HEXD: variants seen among roughly 807,000 people sequenced by gnomAD.
The protein encoded by HEXD is hexosaminidase D.
Under a neutral mutation model 54.2 loss-of-function variants are expected in HEXD, and 47 were observed. That is an observed-to-expected ratio of 0.87 (90% confidence interval 0.69 to 1.11). HEXD has a LOEUF of 1.11. Ranked by LOEUF, HEXD falls within the 50% of genes least tolerant of loss-of-function variation. The pLI is 0.00. For synonymous variants in HEXD, 293 were observed against 287.6 expected (o/e 1.02, Z -0.19); for missense variants, 576 against 649.2 (o/e 0.89, Z 1.23).
At position 82,423,834 on chromosome 17, in the gene HEXD, A is replaced by ATT. The variant is rs1491125471; in HGVS notation, c.85-560_85-559insTT. Reference sequence around the variant, plus strand: ...TCTCAAAAAAAAAAAAAAAAGAGAGAAAGACAAGGAAGTGGGGAGGAGAAT... The same window carrying ATT: ...TCTCAAAAAAAAAAAAAAAAGAGAGATTAAGACAAGGAAGTGGGGAGGAGAAT... On this transcript the variant is annotated intron_variant, in intron 2 of 12. Coordinates refer to ENST00000327949, the MANE Select transcript of HEXD (RefSeq NM_001330542.2). Among the ~76,000 whole-genome samples the ATT allele has an allele frequency of 1.1e-4, 17 of 150,900 alleles. 1 individual carries two copies. The South Asian group carries it at 3.1e-3, about 28-fold the overall frequency.
chr17:82,431,062 A>G (rs1175471216), intron 4 of HEXD, among the ~76,000 whole-genome samples: 19 of 149,496 alleles, frequency 1.3e-4, no homozygotes, highest in Admixed American at 1.0e-3. Context: ...GCGTGGTACA[A>G]TCACAGCTCA....
At chr17:82,427,603 C>G (rs1434538776) in intron 3 of HEXD, among the ~76,000 whole-genome samples, 1 of 152,186 alleles carries the variant, frequency 6.6e-6, no homozygotes, top group Non-Finnish European at 1.5e-5. Context: ...TTTCTTCATA[C>G]TCTTCTAGTT....
At chr17:82,432,878 ACG>A (rs2053616708) in intron 4 of HEXD, among the ~76,000 whole-genome samples, 3 of 149,976 alleles carry the variant, frequency 2.0e-5, no homozygotes, top group Non-Finnish European at 3.0e-5. Context: ...CCTGGCTAAC[ACG>A]GTGAAACCCC....
At chr17:82,427,664 C>G (rs2053455982) in intron 3 of HEXD, among the ~76,000 whole-genome samples, 1 of 152,142 alleles carries the variant, frequency 6.6e-6, no homozygotes, top group African/African-American at 2.4e-5. Flanking sequence ...AAGTAAAGTA[C>G]CAGGGTTCCT....
At position 82,437,315 on chromosome 17, in the gene HEXD, G is replaced by C; in HGVS notation, c.851G>C (p.Ser284Thr). The change falls in exon 8 of 13, where the codon AGC (serine) becomes ACC (threonine). Residue 284 changes from serine (S) to threonine (T), a missense_variant. By Grantham distance (58) the Ser-to-Thr change is moderately conservative. Coordinates refer to ENST00000327949, the MANE Select transcript of HEXD (RefSeq NM_001330542.2). ...GTGCAGTGGCTGCAGGTGGCGGGCA[G>C]CGGGCCCACGGACTCACTGCAGGGC... is the stretch of plus-strand genomic sequence containing the variant. ...NHVQWLQVAGSGPTDSLQGII... is the reference protein window; with the variant it reads ...NHVQWLQVAGTGPTDSLQGII... 6.2e-7 allele frequency: 1 copy of C among 1,611,292 alleles called. No individual in the cohort carries two copies. The highest frequency in any genetic ancestry group is 8.5e-7 in the Non-Finnish European group (1 of 1,179,214).
chr17:82,435,917 C>T, intron 6 of HEXD, 45 bp downstream of exon 6: 2 of 1,557,366 alleles, frequency 1.3e-6, no homozygotes, highest in Non-Finnish European at 1.7e-6. Flanking sequence ...CTGAACTGCC[C>T]AAGACCTGCG....
intron 8 of HEXD, chr17:82,439,406 C>T (rs117110116): frequency 0.023 from 22,951 of 982,154 alleles, 279 homozygotes; most frequent in Admixed American, 0.045. Context: ...GGAATCCCCA[C>T]GCTCTTCACT....
Position 82,441,365 on chromosome 17 carries a change from GGGGCAGGTGCAGGTGAGC to G in HEXD, c.1163+107_1163+124del, listed in dbSNP as rs2053953868. 26 of 1,362,130 alleles carry G rather than the reference GGGGCAGGTGCAGGTGAGC, an allele frequency of 1.9e-5. 1 individual carries two copies. The South Asian group carries it at 3.4e-4, about 18-fold the overall frequency. The allele number at this position is 1,362,130 out of a possible 1,614,324, so 84.4% of individuals were successfully genotyped here. A position where few individuals can be genotyped will look rare whatever the true frequency, so the allele number is the denominator to read the frequency against. On this transcript the variant is annotated intron_variant, in intron 11 of 12. Coordinates refer to ENST00000327949, the MANE Select transcript of HEXD (RefSeq NM_001330542.2). ...GTGGGTGGGAGGCAGGTGCGGGTGAGGGGCAGGTGCAGGTGAGCGGGCAGGCATGGGGCAGGTGCGGGT... is the reference window on the plus strand; with the variant it reads ...GTGGGTGGGAGGCAGGTGCGGGTGAGGGGCAGGCATGGGGCAGGTGCGGGT...
At chr17:82,435,561 C>T in intron 5 of HEXD, 128 bp from the exon 6 acceptor site, 1 of 867,530 alleles carries the variant, frequency 1.2e-6, no homozygotes, top group Non-Finnish European at 1.8e-6. Context: ...AGCAAAGGCT[C>T]CGAGCCCCTC....
At position 82,436,668 on chromosome 17, in the gene HEXD, G is replaced by A. The variant is rs371146381; in HGVS notation, c.633G>A (p.Ala211=). The change falls in exon 7 of 13, where the codon GCG becomes GCA. Residue 211 remains alanine (A), a splice_region_variant and synonymous_variant. Transcript: ENST00000327949. The part of the protein sequence containing the change: ...LRDLPEDQLA[A]SGVPQLVEPV... ...ACCTCACGTCCGCTCTGTCTGCAGC[G>A]TCCGGGGTGCCGCAGCTGGTGGAGC... 39 of 1,609,694 alleles carry A rather than the reference G, an allele frequency of 2.4e-5. No individual in the cohort carries two copies. In the African/African-American group the frequency reaches 3.7e-4, roughly 15 times the overall value.
intron 5 of HEXD, among the ~76,000 whole-genome samples, chr17:82,435,180 C>T (rs1275644292): frequency 6.6e-6 from 1 of 152,186 alleles, no homozygotes; most frequent in African/African-American, 2.4e-5. Flanking sequence ...TAAACGTCAG[C>T]ACCTCTTCCA....
chr17:82,420,076 C>T lies in HEXD; in HGVS notation c.84+193C>T, dbSNP rs192753576. 181 of 336,536 alleles carry T rather than the reference C, an allele frequency of 5.4e-4. 3 individuals are homozygous for T. The highest frequency in any genetic ancestry group is 4.9e-3 in the East Asian group (113 of 22,882). The allele number at this position is 336,536 out of a possible 1,614,324, so 20.8% of individuals were successfully genotyped here. A position where few individuals can be genotyped will look rare whatever the true frequency, so the allele number is the denominator to read the frequency against. On this transcript the variant is annotated intron_variant, in intron 2 of 12. Transcript: ENST00000327949. ...CACAAAAACAGAACAACCAGGATGACAAAAGGGAAAAAAAAAAAAGACAGA... is the reference window on the plus strand; with the variant it reads ...CACAAAAACAGAACAACCAGGATGATAAAAGGGAAAAAAAAAAAAGACAGA...
chr17:82,436,593 G>A (rs747077602), intron 6 of HEXD, 74 bp from the exon 7 acceptor site: 28 of 1,278,292 alleles, frequency 2.2e-5, no homozygotes, highest in African/African-American at 1.9e-4. Context: ...CAAGCAAAAC[G>A]AGAACAGGTG....
chr17:82,432,256 T>A (rs1245189553), intron 4 of HEXD, among the ~76,000 whole-genome samples: 4 of 152,178 alleles, frequency 2.6e-5, no homozygotes, highest in African/African-American at 9.7e-5. Flanking sequence ...CAGCCAGGCC[T>A]GAGGAGAGTG....
At chr17:82,438,182 G>A (rs1398495390) in intron 8 of HEXD, among the ~76,000 whole-genome samples, 6 of 151,540 alleles carry the variant, frequency 4.0e-5, no homozygotes, top group African/African-American at 1.5e-4. Context: ...AGGTTGCAGT[G>A]AGCCAAGATC....
In HEXD at chr17:82,434,153, G is replaced by A. The variant is rs1297133341; in HGVS notation, c.447+331G>A. 6.6e-6 allele frequency among the ~76,000 whole-genome samples: 1 copy of A among 152,248 alleles called. No individual in the cohort carries two copies. The highest frequency in any genetic ancestry group is 2.4e-5 in the African/African-American group (1 of 41,468). On this transcript the variant is annotated intron_variant, in intron 5 of 12. Coordinates refer to ENST00000327949, the MANE Select transcript of HEXD (RefSeq NM_001330542.2). This position sits in a 1 kb window ranked among gnomAD's most constrained non-coding sequence, Gnocchi z 4.5. ...GCTGGGCTGGCGGAAGCCTGTGGGTGATGGGCAGGTTCACGCCCCAGGACC... is the reference window on the plus strand; with the variant it reads ...GCTGGGCTGGCGGAAGCCTGTGGGTAATGGGCAGGTTCACGCCCCAGGACC...
At position 82,442,025 on chromosome 17, in the gene HEXD, C is replaced by A; in HGVS notation, c.1253+136C>A. The A allele has an allele frequency of 1.6e-6, 2 of 1,280,296 alleles. No homozygotes were observed. The highest frequency in any genetic ancestry group is 3.7e-5 in the Admixed American group (2 of 54,530). 79.3% of individuals were successfully genotyped at this position (1,280,296 alleles called of 1,614,324 possible). On this transcript the variant is annotated intron_variant, in intron 12 of 12. Coordinates refer to ENST00000327949, the MANE Select transcript of HEXD (RefSeq NM_001330542.2). This position sits in a 1 kb window ranked among gnomAD's most constrained non-coding sequence, Gnocchi z 6.8. ...AGGCCCTCTGGTCTCAGATGTGCAGCTGTCACCGACTTGTTCCTCCCGACA... is the reference window on the plus strand; with the variant it reads ...AGGCCCTCTGGTCTCAGATGTGCAGATGTCACCGACTTGTTCCTCCCGACA...
intron 3 of HEXD, among the ~76,000 whole-genome samples, chr17:82,424,896 GA>G (rs982837066): frequency 6.6e-6 from 1 of 152,152 alleles, no homozygotes; most frequent in African/African-American, 2.4e-5. Context: ...CTGGGCTAGA[GA>G]AGGCTAGAGA....
Position 82,433,806 on chromosome 17 carries a change from A to C in HEXD, c.431A>C (p.His144Pro). The C allele has an allele frequency of 6.2e-7, 1 of 1,612,774 alleles. No individual in the cohort carries two copies. Among genetic ancestry groups the C allele is most frequent in the Non-Finnish European group, 8.5e-7 (1 of 1,179,650 alleles). Residue 144 changes from histidine (H) to proline (P), a missense_variant, in exon 5 of 13, where the codon CAC (histidine) becomes CCC (proline). Transcript: ENST00000327949. Reference protein sequence around the residue: ...LELHPGAQRLHIGCDEVYYLG... With the variant: ...LELHPGAQRLPIGCDEVYYLG... The stretch of plus-strand genomic sequence containing the variant: ...CTACACCCAGGCGCCCAGCGGCTGC[A>C]CATCGGGTGTGATGAGGTGGGTACT...
Sources: allele counts gnomAD v4.1 joint callset (sites outside exome capture counted in the v4.1 genomes callset), GRCh38; gene constraint gnomAD v4.1.1; non-coding constraint Gnocchi (gnomAD v3.1); transcripts MANE v1.5; gene names NCBI Gene and HGNC (gene_info 2026-07-23, HGNC 2026-07-21).